MYO7B: variants seen among roughly 807,000 people sequenced by gnomAD.
The protein encoded by MYO7B is myosin VIIB, also known as unconventional myosin-VIIb.
A neutral mutation model predicts 259.7 loss-of-function variants in MYO7B; 212 were observed. The ratio of observed to expected loss-of-function variants is 0.82; its 90% confidence interval spans 0.73 to 0.91. The LOEUF (loss-of-function observed/expected upper bound fraction) is 0.91. MYO7B is among the 40% of genes least tolerant of loss of function. MYO7B has a pLI of 0.00. For synonymous variants in MYO7B, 1,197 were observed against 1,166.4 expected (o/e 1.03, Z -0.54); for missense variants, 2,732 against 2,813.5 (o/e 0.97, Z 0.66).
chr2:127,624,443 G>T, intron 30 of MYO7B, 123 bp downstream of exon 30: 2 of 856,992 alleles, frequency 2.3e-6, no homozygotes, highest in Non-Finnish European at 3.6e-6. Context: ...GGGGTCACAA[G>T]GGTGTAGGTC....
intron 26 of MYO7B, among the ~76,000 whole-genome samples, chr2:127,616,217 C>A (rs1231239340): frequency 6.6e-6 from 1 of 152,102 alleles, no homozygotes; most frequent in African/African-American, 2.4e-5. Flanking sequence ...CCTTCTCCTG[C>A]AATAACAATA....
Position 127,636,410 on chromosome 2 carries a change from A to C in MYO7B, c.6123+86A>C. ...GCAGGCCCAGCGTCAACCAGCACAC[A>C]TCTTGGGTGGGGCTGGCCGTGAGGC... On this transcript the variant is annotated intron_variant, in intron 45 of 47. Transcript: ENST00000409816. This position sits in a 1 kb window ranked among gnomAD's most constrained non-coding sequence, Gnocchi z 4.5. 1.4e-6 allele frequency: 2 copies of C among 1,451,172 alleles called. No homozygotes were observed. Among genetic ancestry groups the C allele is most frequent in the Non-Finnish European group, 1.9e-6 (2 of 1,039,652 alleles). 89.9% of individuals were successfully genotyped at this position (1,451,172 alleles called of 1,614,324 possible).
At chr2:127,589,980 A>C in intron 15 of MYO7B, 112 bp from the exon 16 acceptor site, 1 of 1,244,350 alleles carries the variant, frequency 8.0e-7, no homozygotes, top group African/African-American at 1.5e-5. Context: ...GAATAGGTAG[A>C]TGCACCACCC....
In MYO7B at chr2:127,636,689, G is replaced by A; in HGVS notation, c.6207+61G>A. 1 of 1,607,616 alleles carries A rather than the reference G, an allele frequency of 6.2e-7. No individual in the cohort carries two copies. The highest frequency in any genetic ancestry group is 8.5e-7 in the Non-Finnish European group (1 of 1,176,716). On this transcript the variant is annotated intron_variant, in intron 46 of 47. Coordinates refer to ENST00000409816, the MANE Select transcript of MYO7B (RefSeq NM_001393586.1). This position sits in a 1 kb window ranked among gnomAD's most constrained non-coding sequence, Gnocchi z 4.5. ...CAGGTCCAGGGACCTGTGCAGGTGGGGCTGCAGTCATCTCTGCGGTGTGTC... is the reference window on the plus strand; with the variant it reads ...CAGGTCCAGGGACCTGTGCAGGTGGAGCTGCAGTCATCTCTGCGGTGTGTC...
At chr2:127,548,894 T>C (rs1332661742) in intron 1 of MYO7B, among the ~76,000 whole-genome samples, 1 of 152,256 alleles carries the variant, frequency 6.6e-6, no homozygotes, top group Admixed American at 6.5e-5. Flanking sequence ...TTTTGGGCTT[T>C]TCCAGTTATC....
chr2:127,636,260 AGGTGGCCTTCCTGAAGTGGATCTGCC>A lies in MYO7B; in HGVS notation c.6067_6092del (p.Phe2023HisfsTer81). On this transcript the variant is annotated frameshift_variant, in exon 45 of 48. Transcript: ENST00000409816. LOFTEE classifies it high-confidence loss of function. The surrounding 1 kb of genome is among the most constrained non-coding windows in gnomAD (Gnocchi z 4.5). ...AAGGACAAGACAGTGGAGGAGGCCA[AGGTGGCCTTCCTGAAGTGGATCTGCC>A]GGTGGCCCACCTTCGGATCCGCCTT... The A allele has an allele frequency of 6.2e-7, 1 of 1,613,654 alleles. No homozygotes were observed. The highest frequency in any genetic ancestry group is 8.5e-7 in the Non-Finnish European group (1 of 1,179,828).
chr2:127,584,846 C>T lies in MYO7B; in HGVS notation c.1623C>T (p.Pro541=), dbSNP rs376687342. 18 of 1,613,824 alleles carry T rather than the reference C, an allele frequency of 1.1e-5. No individual in the cohort carries two copies. The highest frequency in any genetic ancestry group is 1.7e-5 in the Admixed American group (1 of 59,994). Reference sequence around the variant, plus strand: ...CCAACAACAAGGCCTTCCTACAGCCCAAGAACATCCACGATGCCAGATTTG... The same window carrying T: ...CCAACAACAAGGCCTTCCTACAGCCTAAGAACATCCACGATGCCAGATTTG... ...VHANNKAFLQ[P]KNIHDARFGI... is the part of the protein sequence containing the mutation. Residue 541 remains proline, a synonymous_variant, in exon 14 of 48, where the codon CCC becomes CCT. Coordinates refer to ENST00000409816, the MANE Select transcript of MYO7B (RefSeq NM_001393586.1). The surrounding 1 kb of genome is among the most constrained non-coding windows in gnomAD (Gnocchi z 5.8).
In MYO7B at chr2:127,584,060, C is replaced by A; in HGVS notation, c.1344-62C>A. ...TGGCTGGTGATCCTATGGCTCCAGC[C>A]TGCTGCAGCGGGGACTCAGCTGGCC... On this transcript the variant is annotated intron_variant, in intron 12 of 47. Transcript: ENST00000409816. The surrounding 1 kb of genome is among the most constrained non-coding windows in gnomAD (Gnocchi z 5.8). The A allele has an allele frequency of 6.7e-7, 1 of 1,482,086 alleles. No individual in the cohort carries two copies. Among genetic ancestry groups the A allele is most frequent in the Non-Finnish European group, 9.2e-7 (1 of 1,081,340 alleles). The allele number at this position is 1,482,086 out of a possible 1,614,324, so 91.8% of individuals were successfully genotyped here.
Position 127,584,311 on chromosome 2 carries a change from C to T in MYO7B, c.1533C>T (p.Asp511=), listed in dbSNP as rs549700121. The change falls in exon 13 of 48, where the codon GAC becomes GAT. Residue 511 remains aspartate, a synonymous_variant. Coordinates refer to ENST00000409816, the MANE Select transcript of MYO7B (RefSeq NM_001393586.1). This position sits in a 1 kb window ranked among gnomAD's most constrained non-coding sequence, Gnocchi z 5.8. Reference sequence around the variant, plus strand: ...CCATGAGCATCATCTCCCTCCTGGACGAAGAAAGCCGCTTCCCGCAGGTGT... The same window carrying T: ...CCATGAGCATCATCTCCCTCCTGGATGAAGAAAGCCGCTTCCCGCAGGTGT... ...LKPMSIISLL[D]EESRFPQGTD... is the part of the protein sequence containing the mutation. 64 of 1,613,814 alleles carry T rather than the reference C, an allele frequency of 4.0e-5. No homozygotes were observed. In the Middle Eastern group the frequency reaches 4.9e-4, roughly 12 times the overall value.
rs774034172 is a variant in MYO7B at position 127,607,252 on chromosome 2, C to T, written c.2471C>T (p.Pro824Leu). 6.4e-6 allele frequency: 10 copies of T among 1,550,628 alleles called. No homozygotes were observed. Among genetic ancestry groups the T allele is most frequent in the African/African-American group, 1.4e-5 (1 of 73,076 alleles). ...ERLQAIARSQPLARQYQAMRQ... is the reference protein window; with the variant it reads ...ERLQAIARSQLLARQYQAMRQ... ...CTGCAGGCTATTGCCCGGAGCCAGC[C>T]GCTGGCGAGGCAGTACCAGGCCATG... Residue 824 changes from proline to leucine, a missense_variant, in exon 21 of 48, where the codon CCG (proline) becomes CTG (leucine). Pro to Leu is a moderately conservative substitution (Grantham distance 98). Around this residue, in one of 3 missense-constraint regions of MYO7B, gnomAD observed 1,906 missense variants for 2,026.4 expected, o/e 0.94. Coordinates refer to ENST00000409816, the MANE Select transcript of MYO7B (RefSeq NM_001393586.1). This position sits in a 1 kb window ranked among gnomAD's most constrained non-coding sequence, Gnocchi z 4.4.
In MYO7B at chr2:127,565,351, A is replaced by G. The variant is rs1226206746; in HGVS notation, c.251A>G (p.Asn84Ser). The change falls in exon 4 of 48, where the codon AAC (asparagine) becomes AGC (serine). Residue 84 changes from asparagine (N) to serine (S), a missense_variant. This residue lies in a region of MYO7B where 1,906 missense variants were observed against 2,026.4 expected (regional missense o/e 0.94). Coordinates refer to ENST00000409816, the MANE Select transcript of MYO7B (RefSeq NM_001393586.1). Reference protein sequence around the residue: ...GDLNEAGMVHNLLIRYQQHKI... With the variant: ...GDLNEAGMVHSLLIRYQQHKI... ...CTGAACGAGGCAGGCATGGTGCACAACCTCCTGATCCGCTACCAGCAGCAC... is the reference window on the plus strand; with the variant it reads ...CTGAACGAGGCAGGCATGGTGCACAGCCTCCTGATCCGCTACCAGCAGCAC... The G allele has an allele frequency of 1.9e-6, 3 of 1,613,908 alleles. No homozygotes were observed. The highest frequency in any genetic ancestry group is 1.7e-6 in the Non-Finnish European group (2 of 1,179,862).
chr2:127,606,741 C>T (rs1325883106), intron 20 of MYO7B, among the ~76,000 whole-genome samples: 2 of 152,204 alleles, frequency 1.3e-5, no homozygotes, highest in Non-Finnish European at 2.9e-5. Flanking sequence ...GCGGCACTGA[C>T]GTGGTGTTCA....
At chr2:127,562,685 A>T (rs536229228) in intron 2 of MYO7B, among the ~76,000 whole-genome samples, 24 of 151,862 alleles carry the variant, frequency 1.6e-4, no homozygotes, top group African/African-American at 5.6e-4. Flanking sequence ...ATGGGGTTTC[A>T]CTATGTTGGC....
chr2:127,546,658 A>G lies in MYO7B; in HGVS notation c.-24+10827A>G, dbSNP rs1693238614. Among the ~76,000 whole-genome samples the G allele has an allele frequency of 2.0e-5, 3 of 152,276 alleles. No homozygotes were observed. Among genetic ancestry groups the G allele is most frequent in the African/African-American group, 7.2e-5 (3 of 41,550 alleles). The stretch of plus-strand genomic sequence containing the variant: ...CACTGACCTGCCTCAGGGCTTAACA[A>G]AAGGAACTGGACTAAGAAGTCATCC... On this transcript the variant is annotated intron_variant, in intron 1 of 47. Transcript: ENST00000409816. This position sits in a 1 kb window ranked among gnomAD's most constrained non-coding sequence, Gnocchi z 4.2.
At chr2:127,634,748 C>T (rs1681707146) in intron 42 of MYO7B, 65 bp downstream of exon 42, 1 of 1,373,508 alleles carries the variant, frequency 7.3e-7, no homozygotes, top group African/African-American at 1.5e-5. Context: ...CACTGGCGGC[C>T]TCTGTGCGGC....
At chr2:127,562,322 A>G (rs944319107) in intron 2 of MYO7B, among the ~76,000 whole-genome samples, 1 of 151,694 alleles carries the variant, frequency 6.6e-6, no homozygotes, top group Non-Finnish European at 1.5e-5. Flanking sequence ...TTCTTTTTTG[A>G]CAGAGTCTCT....
chr2:127,558,302 C>T (rs984094556), intron 1 of MYO7B, among the ~76,000 whole-genome samples: 1 of 152,162 alleles, frequency 6.6e-6, no homozygotes, highest in Non-Finnish European at 1.5e-5. Context: ...TGTGATACCA[C>T]CTTACTCCTA....
chr2:127,623,494 G>C, intron 29 of MYO7B, 119 bp downstream of exon 29: 1 of 1,082,512 alleles, frequency 9.2e-7, no homozygotes, highest in Non-Finnish European at 1.3e-6. Flanking sequence ...CAGCTGCCAG[G>C]CACAGCACTG....
intron 1 of MYO7B, among the ~76,000 whole-genome samples, chr2:127,548,016 G>A (rs1693302286): frequency 1.3e-5 from 2 of 152,132 alleles, no homozygotes; most frequent in African/African-American, 4.8e-5. Context: ...AGGATTTTCA[G>A]ATTATCTATT....
Sources: allele counts gnomAD v4.1 joint callset (sites outside exome capture counted in the v4.1 genomes callset), GRCh38; gene constraint gnomAD v4.1.1; regional missense constraint gnomAD v4.1.1; non-coding constraint Gnocchi (gnomAD v3.1); transcripts MANE v1.5; gene names NCBI Gene and HGNC (gene_info 2026-07-23, HGNC 2026-07-21).